Variants in DTWD2 observed in about 807,000 individuals in gnomAD.
DTWD2 encodes DTW motif tRNA-uridine aminocarboxypropyltransferase 2.
DTWD2 carries 39 observed loss-of-function variants against 31.8 expected under a neutral mutation model. The observed-to-expected ratio is 1.22, with a 90% CI of 0.95 to 1.60. The LOEUF (loss-of-function observed/expected upper bound fraction) is 1.60, where lower values mean the gene tolerates loss of function less well. Among genes scored for constraint, DTWD2 ranks in the 40% most tolerant of loss-of-function variants. The pLI is 0.00. For synonymous variants in DTWD2, 180 were observed against 142.8 expected (o/e 1.26, Z -1.86); for missense variants, 515 against 381.5 (o/e 1.35, Z -2.92).
intron 1 of DTWD2, among the ~76,000 whole-genome samples, chr5:118,984,848 T>A (rs1006963690): frequency 3.3e-5 from 5 of 152,310 alleles, no homozygotes; most frequent in African/African-American, 1.2e-4. Context: ...AAAGTATAAT[T>A]AAGATGCCTA....
chr5:118,988,253 C>A (rs1377566755), intron 1 of DTWD2, 41 bp downstream of exon 1: 2 of 1,530,768 alleles, frequency 1.3e-6, no homozygotes, highest in East Asian at 2.5e-5. Flanking sequence ...CCTCCGAAGG[C>A]CGCTGCCGGC....
intron 3 of DTWD2, among the ~76,000 whole-genome samples, chr5:118,935,841 A>G (rs1754033533): frequency 6.6e-6 from 1 of 152,250 alleles, no homozygotes. Flanking sequence ...AAACATGCTC[A>G]TAAAATCAGT....
chr5:118,941,576 C>G (rs1302008481), intron 2 of DTWD2, among the ~76,000 whole-genome samples: 1 of 152,168 alleles, frequency 6.6e-6, no homozygotes, highest in Admixed American at 6.5e-5. Flanking sequence ...TCCAGTCTAT[C>G]ATTGTTGGAC....
intron 4 of DTWD2, among the ~76,000 whole-genome samples, chr5:118,927,409 A>G (rs987156561): frequency 6.6e-6 from 1 of 152,182 alleles, no homozygotes; most frequent in Non-Finnish European, 1.5e-5. Flanking sequence ...AAATAAAAAT[A>G]AACTATAATA....
At chr5:118,866,311 C>A (rs1434736086) in intron 4 of DTWD2, among the ~76,000 whole-genome samples, 2 of 152,050 alleles carry the variant, frequency 1.3e-5, no homozygotes, top group African/African-American at 4.8e-5. Flanking sequence ...AAAAAATCAT[C>A]AAAAGCATCC....
intron 4 of DTWD2, among the ~76,000 whole-genome samples, chr5:118,915,435 C>T (rs907383959): frequency 6.7e-6 from 1 of 148,930 alleles, no homozygotes; most frequent in Admixed American, 6.7e-5. Flanking sequence ...AGTGCAGTGG[C>T]GCAATCTCGG....
At chr5:118,924,508 C>A (rs775123976) in intron 4 of DTWD2, among the ~76,000 whole-genome samples, 1 of 152,116 alleles carries the variant, frequency 6.6e-6, no homozygotes, top group Non-Finnish European at 1.5e-5. Flanking sequence ...CTAAGGCAGG[C>A]CCCTAGGAAA....
intron 1 of DTWD2, among the ~76,000 whole-genome samples, chr5:118,969,157 C>T (rs1754923510): frequency 6.6e-6 from 1 of 151,864 alleles, no homozygotes; most frequent in Non-Finnish European, 1.5e-5. Context: ...GAACAGATCT[C>T]TGATCACTCC....
intron 1 of DTWD2, among the ~76,000 whole-genome samples, chr5:118,954,460 A>G (rs1754540411): frequency 6.6e-6 from 1 of 152,200 alleles, no homozygotes; most frequent in Non-Finnish European, 1.5e-5. Context: ...TTTCACTGCT[A>G]TATCCCCAGC....
At chr5:118,943,266 G>C (rs1754246918) in intron 2 of DTWD2, among the ~76,000 whole-genome samples, 1 of 152,132 alleles carries the variant, frequency 6.6e-6, no homozygotes. Flanking sequence ...TGAGAAAAAG[G>C]TTAGGCCAGG....
chr5:118,855,384 T>G (rs1292036756), intron 4 of DTWD2, among the ~76,000 whole-genome samples: 1 of 151,392 alleles, frequency 6.6e-6, no homozygotes, highest in Non-Finnish European at 1.5e-5. Context: ...AAAATTAACT[T>G]TTACTTAAAA....
chr5:118,980,711 T>A (rs1345843228), intron 1 of DTWD2, among the ~76,000 whole-genome samples: 1 of 152,210 alleles, frequency 6.6e-6, no homozygotes, highest in Admixed American at 6.5e-5. Context: ...CTGGTGGGAA[T>A]GTAGGTGGTG....
chr5:118,912,770 T>A (rs913990494), intron 4 of DTWD2, among the ~76,000 whole-genome samples: 5 of 152,168 alleles, frequency 3.3e-5, no homozygotes, highest in Non-Finnish European at 7.3e-5. Context: ...CAGCTTACTA[T>A]AAACTCCATG....
chr5:118,841,739 G>T (rs1357803161), intron 5 of DTWD2, among the ~76,000 whole-genome samples: 1 of 151,722 alleles, frequency 6.6e-6, no homozygotes, highest in Non-Finnish European at 1.5e-5. Context: ...AATACAACTG[G>T]AGTATACGCT....
intron 1 of DTWD2, among the ~76,000 whole-genome samples, chr5:118,953,904 G>A (rs1754522055): frequency 6.6e-6 from 1 of 152,148 alleles, no homozygotes; most frequent in Admixed American, 6.5e-5. Flanking sequence ...TGCTCTGCCT[G>A]GTATCTTATC....
intron 1 of DTWD2, chr5:118,973,960 A>G: frequency 1.3e-6 from 2 of 1,585,006 alleles, no homozygotes; most frequent in Non-Finnish European, 1.7e-6. Flanking sequence ...TAGATGAAGA[A>G]GAGGAAGAAG....
chr5:118,950,848 G>T (rs894751720), intron 1 of DTWD2, among the ~76,000 whole-genome samples: 2 of 152,204 alleles, frequency 1.3e-5, no homozygotes, highest in African/African-American at 2.4e-5. Flanking sequence ...ACACCTTGAA[G>T]GCAAGGTTAA....
intron 1 of DTWD2, among the ~76,000 whole-genome samples, chr5:118,956,216 T>C (rs1187949975): frequency 6.6e-6 from 1 of 152,242 alleles, no homozygotes; most frequent in Non-Finnish European, 1.5e-5. Flanking sequence ...GCTGAGATTT[T>C]TCCCTTTTCT....
At chr5:118,925,311 A>T (rs1753785664) in intron 4 of DTWD2, among the ~76,000 whole-genome samples, 1 of 152,240 alleles carries the variant, frequency 6.6e-6, no homozygotes, top group African/African-American at 2.4e-5. Flanking sequence ...TAACAAACTT[A>T]AAAGCAATAG....
Sources: gnomAD v4.1 joint callset for allele counts (sites outside exome capture counted in the v4.1 genomes callset) on GRCh38, gnomAD v4.1.1 for gene constraint, MANE v1.5 for transcripts, NCBI Gene and HGNC (gene_info 2026-07-23, HGNC 2026-07-21) for gene names.